Variants in PRR5 observed in about 807,000 individuals in gnomAD.
PRR5 encodes the protein proline rich 5, also known as proline-rich protein 5.
PRR5 carries 25 observed loss-of-function variants against 30.6 expected under a neutral mutation model. The observed-to-expected ratio is 0.82, with a 90% CI of 0.60 to 1.14. The LOEUF (loss-of-function observed/expected upper bound fraction) is 1.14. PRR5 is among the 50% of genes most tolerant of loss of function. The pLI is 0.00. For synonymous variants in PRR5, 286 were observed against 247.1 expected (o/e 1.16, Z -1.48); for missense variants, 600 against 547.1 (o/e 1.10, Z -0.96).
intron 6 of PRR5, chr22:44,734,674 C>A: frequency 4.4e-6 from 1 of 225,966 alleles, no homozygotes; most frequent in Non-Finnish European, 8.6e-6. Flanking sequence ...GTGGGGTCAG[C>A]CAGTGTCTCT....
intron 1 of PRR5, among the ~76,000 whole-genome samples, chr22:44,710,130 T>TC (rs2147054616): frequency 6.6e-6 from 1 of 152,126 alleles, no homozygotes; most frequent in East Asian, 1.9e-4. Context: ...GGCACTGTCC[T>TC]CCCCCATGGC....
chr22:44,720,707 A>T (rs1374367792), intron 2 of PRR5, among the ~76,000 whole-genome samples: 1 of 152,172 alleles, frequency 6.6e-6, no homozygotes, highest in East Asian at 1.9e-4. Context: ...TTCAGATCTG[A>T]GGCCGTGTCT....
intron 2 of PRR5, among the ~76,000 whole-genome samples, chr22:44,720,875 C>T (rs1021971990): frequency 2.0e-5 from 3 of 152,148 alleles, no homozygotes; most frequent in African/African-American, 7.2e-5. Flanking sequence ...GCCAGGGGAG[C>T]CGGAGAGGTG....
At chr22:44,682,172 C>G (rs991262528) in intron 1 of PRR5, among the ~76,000 whole-genome samples, 3 of 152,192 alleles carry the variant, frequency 2.0e-5, no homozygotes, top group African/African-American at 7.2e-5. Flanking sequence ...GTTAGCCACA[C>G]TCCCTTGCTC....
intron 4 of PRR5, chr22:44,731,195 C>A (rs955737102): frequency 7.3e-6 from 2 of 275,202 alleles, no homozygotes; most frequent in African/African-American, 2.2e-5. Context: ...GCGTGGGTCT[C>A]ACCTGTGTAG....
At chr22:44,703,986 T>C (rs554653024) in intron 1 of PRR5, among the ~76,000 whole-genome samples, 52 of 152,344 alleles carry the variant, frequency 3.4e-4, no homozygotes, top group African/African-American at 1.3e-3. Context: ...AATAGACTTA[T>C]TTCAAATCCC....
chr22:44,718,287 C>T (rs1042104621), intron 2 of PRR5, among the ~76,000 whole-genome samples: 27 of 150,732 alleles, frequency 1.8e-4, no homozygotes, highest in Non-Finnish European at 1.2e-4. Flanking sequence ...CTCCGCCTCC[C>T]GGGTTCAAGC....
intron 1 of PRR5, among the ~76,000 whole-genome samples, chr22:44,677,629 C>T (rs1054293906): frequency 2.6e-5 from 4 of 152,174 alleles, no homozygotes; most frequent in African/African-American, 9.7e-5. Flanking sequence ...CACGGGCCAG[C>T]GCTCAAGGCT....
intron 1 of PRR5, among the ~76,000 whole-genome samples, chr22:44,686,772 C>G (rs1031205715): frequency 2.6e-5 from 4 of 152,160 alleles, no homozygotes; most frequent in Admixed American, 6.5e-5. Flanking sequence ...CCTTGGCCTC[C>G]CAAAGTAATT....
chr22:44,692,425 C>T (rs140531353), intron 1 of PRR5, among the ~76,000 whole-genome samples: 3 of 142,400 alleles, frequency 2.1e-5, no homozygotes, highest in Admixed American at 7.0e-5. Flanking sequence ...CTCCTCCTCC[C>T]GGGGGCTCCT....
chr22:44,696,033 C>T (rs974243579), intron 1 of PRR5, among the ~76,000 whole-genome samples: 1 of 141,108 alleles, frequency 7.1e-6, no homozygotes, highest in Non-Finnish European at 1.5e-5. Context: ...AAGTGATTTT[C>T]CTGCCTCAGC....
chr22:44,705,232 G>A (rs1415282608), intron 1 of PRR5, among the ~76,000 whole-genome samples: 6 of 152,156 alleles, frequency 3.9e-5, no homozygotes, highest in Non-Finnish European at 7.3e-5. Flanking sequence ...TGAAGCTTCT[G>A]GTGGCTCTTT....
intron 1 of PRR5, among the ~76,000 whole-genome samples, chr22:44,678,832 C>T (rs547971332): frequency 6.6e-6 from 1 of 152,208 alleles, no homozygotes; most frequent in Admixed American, 6.5e-5. Context: ...TGATTCATCT[C>T]TGGGTCCCAG....
intron 1 of PRR5, among the ~76,000 whole-genome samples, chr22:44,712,275 G>A (rs1408467389): frequency 2.0e-5 from 3 of 152,216 alleles, no homozygotes; most frequent in South Asian, 2.1e-4. Context: ...GCGTGATCTC[G>A]GCCAGTGCCC....
chr22:44,731,565 A>G, intron 4 of PRR5, 165 bp from the exon 5 acceptor site: 1 of 667,366 alleles, frequency 1.5e-6, no homozygotes, highest in Admixed American at 2.3e-5. Context: ...GCCCAGGGCC[A>G]TAGAACAGCT....
intron 2 of PRR5, among the ~76,000 whole-genome samples, chr22:44,720,348 G>C (rs1007751837): frequency 6.6e-6 from 1 of 152,234 alleles, no homozygotes; most frequent in Non-Finnish European, 1.5e-5. Context: ...TTCATCTGCA[G>C]GACTAGGGCT....
intron 4 of PRR5, 115 bp downstream of exon 4, chr22:44,726,749 G>C (rs1920963229): frequency 6.6e-7 from 1 of 1,505,230 alleles, no homozygotes; most frequent in South Asian, 1.2e-5. Flanking sequence ...CTCTGGTCCG[G>C]AGGGCTTGGA....
At chr22:44,735,980 C>T (rs1923164563) in intron 7 of PRR5, among the ~76,000 whole-genome samples, 1 of 152,216 alleles carries the variant, frequency 6.6e-6, no homozygotes, top group Non-Finnish European at 1.5e-5. Context: ...CCCGCATCCT[C>T]TGGTCTGGGA....
chr22:44,729,538 CT>C, intron 4 of PRR5: 1 of 985,530 alleles, frequency 1.0e-6, no homozygotes, highest in Non-Finnish European at 1.2e-6. Context: ...TTCATCTCAG[CT>C]TTCGACCTGC....
Sources: allele counts gnomAD v4.1 joint callset (sites outside exome capture counted in the v4.1 genomes callset), GRCh38; gene constraint gnomAD v4.1.1; transcripts MANE v1.5; gene names NCBI Gene and HGNC (gene_info 2026-07-23, HGNC 2026-07-21).